TBC1D17: variants seen among roughly 807,000 people sequenced by gnomAD.
The protein encoded by TBC1D17 is TBC1 domain family member 17.
A neutral mutation model predicts 78.8 loss-of-function variants in TBC1D17; 69 were observed. The ratio of observed to expected loss-of-function variants is 0.88; its 90% CI spans 0.72 to 1.07. TBC1D17 has a LOEUF of 1.07. Ranked by LOEUF, TBC1D17 falls within the 50% of genes least tolerant of loss-of-function variation. The pLI, the probability that TBC1D17 is intolerant of heterozygous loss-of-function variation, is 0.00. For synonymous variants in TBC1D17, 456 were observed against 358.3 expected (o/e 1.27, Z -3.08); for missense variants, 957 against 861.0 (o/e 1.11, Z -1.39).
rs760037815 is a variant in TBC1D17 at position 49,878,181 on chromosome 19, C to A, written c.60C>A (p.Ser20Arg). 6.3e-7 allele frequency: 1 copy of A among 1,576,408 alleles called. No individual in the cohort carries two copies. The highest frequency in any genetic ancestry group is 1.4e-5 in the African/African-American group (1 of 73,828). ...AGGGCGGAGTGTACCTGCACACCAG[C>A]GCTAAGAAGTATCAGGACCGAGACT... ...FEKGGVYLHT[S>R]AKKYQDRDSL... Residue 20 changes from serine to arginine, a missense_variant, in exon 2 of 17, where the codon AGC (serine) becomes AGA (arginine). Ser to Arg is a moderately radical substitution (Grantham distance 110). Transcript: ENST00000221543.
At chr19:49,886,003 G>A (rs943407969) in intron 13 of TBC1D17, among the ~76,000 whole-genome samples, 12 of 147,512 alleles carry the variant, frequency 8.1e-5, no homozygotes, top group Admixed American at 2.0e-4. Flanking sequence ...AAAAAAGGTC[G>A]GGTGTGGTGG....
At chr19:49,884,796 C>A (rs774683372) in intron 13 of TBC1D17, 38 bp downstream of exon 13, 1 of 1,575,558 alleles carries the variant, frequency 6.3e-7, no homozygotes, top group Non-Finnish European at 8.7e-7. Flanking sequence ...GACAATGGGG[C>A]CATAGACCTT....
rs769029014 is a variant in TBC1D17, at chr19:49,880,386, C to T, written c.303C>T (p.His101=). The T allele has an allele frequency of 6.2e-7, 1 of 1,613,874 alleles. No individual in the cohort carries two copies. Among genetic ancestry groups the T allele is most frequent in the Admixed American group, 1.7e-5 (1 of 60,014 alleles). Residue 101 remains histidine, a synonymous_variant, in exon 4 of 17, where the codon CAC becomes CAT. Coordinates refer to ENST00000221543, the MANE Select transcript of TBC1D17 (RefSeq NM_024682.3). ...GCACTGTGCGGCCACAGCTCTGCCA[C>T]TCAGAGCCCACGAGAGGTAGGCTGA... is the stretch of plus-strand genomic sequence containing the variant. The part of the protein sequence containing the change: ...VISTVRPQLC[H]SEPTRGAEPS...
chr19:49,879,070 GA>G (rs2074986669), intron 3 of TBC1D17: 1 of 154,248 alleles, frequency 6.5e-6, no homozygotes, highest in Non-Finnish European at 1.4e-5. Context: ...CACTTTTTGA[GA>G]AACTGATAGA....
intron 4 of TBC1D17, 35 bp from the exon 5 acceptor site, chr19:49,881,233 C>G (rs1287870308): frequency 6.3e-7 from 1 of 1,581,000 alleles, no homozygotes; most frequent in Non-Finnish European, 8.6e-7. Context: ...TCTGGCTTCC[C>G]ACGCGCTTCC....
In TBC1D17 at chr19:49,884,298, G is replaced by A; in HGVS notation, c.1172G>A (p.Gly391Asp). The A allele has an allele frequency of 6.2e-7, 1 of 1,614,010 alleles. No individual in the cohort carries two copies. The highest frequency in any genetic ancestry group is 8.5e-7 in the Non-Finnish European group (1 of 1,180,026). ...RTDRTNKFYE[G>D]PENPGLGLLN... ...GACAGGACCAACAAGTTCTACGAGG[G>A]TCCCGAGAACCCGGGGCTGGGCCTG... The change falls in exon 11 of 17, where the codon GGT becomes GAT. Residue 391 changes from glycine to aspartate, a missense_variant. Physicochemically the swap from Gly to Asp is moderately conservative, Grantham distance 94. Coordinates refer to ENST00000221543, the MANE Select transcript of TBC1D17 (RefSeq NM_024682.3).
At position 49,882,780 on chromosome 19, in the gene TBC1D17, G is replaced by A. The variant is rs779105684; in HGVS notation, c.815G>A (p.Arg272Gln). The A allele has an allele frequency of 1.8e-5, 29 of 1,581,638 alleles. No individual in the cohort carries two copies. Among genetic ancestry groups the A allele is most frequent in the Admixed American group, 3.7e-5 (2 of 53,732 alleles). The change falls in exon 8 of 17, where the codon CGG (arginine) becomes CAG (glutamine). Residue 272 changes from arginine to glutamine, a missense_variant. By Grantham distance (43) the Arg-to-Gln change is conservative. Coordinates refer to ENST00000221543, the MANE Select transcript of TBC1D17 (RefSeq NM_024682.3). ...TGCCTGCAGGTGGAGCTGGGGCCTCGGCCAACCGTGGAGCGGGGCCCTCCA... is the reference window on the plus strand; with the variant it reads ...TGCCTGCAGGTGGAGCTGGGGCCTCAGCCAACCGTGGAGCGGGGCCCTCCA... ...EVISCVELGPRPTVERGPPVT... is the reference protein window; with the variant it reads ...EVISCVELGPQPTVERGPPVT...
intron 13 of TBC1D17, chr19:49,887,251 T>C (rs533318317): frequency 1.8e-6 from 1 of 544,572 alleles, no homozygotes; most frequent in East Asian, 3.2e-5. Flanking sequence ...CTCCCTTCCA[T>C]GTCCATGGCA....
At position 49,881,436 on chromosome 19, in the gene TBC1D17, C is replaced by G; in HGVS notation, c.488C>G (p.Ala163Gly). The part of the protein sequence containing the change: ...ALHFHRGGTR[A>G]LLRVLSRYLL... ...CACTTCCACCGCGGGGGCACCCGCG[C>G]CCTGCTCCGCGTCCTCAGCCGCTAC... The change falls in exon 5 of 17, where the codon GCC (alanine) becomes GGC (glycine). Residue 163 changes from alanine to glycine, a missense_variant. Transcript: ENST00000221543. 1 of 1,611,630 alleles carries G rather than the reference C, an allele frequency of 6.2e-7. No individual in the cohort carries two copies.
rs1054999174 is a variant in TBC1D17, at chr19:49,883,752, G to T, written c.1126+7G>T. ...GGATACCGCAGCCTCATCGGTCAGTGTCAGGGGTGGCACTTAGGGTGGATG... is the reference window on the plus strand; with the variant it reads ...GGATACCGCAGCCTCATCGGTCAGTTTCAGGGGTGGCACTTAGGGTGGATG... On this transcript the variant is annotated splice_region_variant and intron_variant, in intron 10 of 16. Transcript: ENST00000221543. The T allele has an allele frequency of 6.2e-7, 1 of 1,612,784 alleles. No homozygotes were observed. Among genetic ancestry groups the T allele is most frequent in the African/African-American group, 1.3e-5 (1 of 74,892 alleles).
intron 15 of TBC1D17, 115 bp from the exon 16 acceptor site, chr19:49,888,116 C>T (rs1339854005): frequency 2.0e-6 from 3 of 1,498,754 alleles, no homozygotes; most frequent in African/African-American, 2.8e-5. Flanking sequence ...CACTTCTGAG[C>T]CCCCAGAGGG....
rs1258380939 is a variant in TBC1D17, at chr19:49,881,487, C to G, written c.527+12C>G. ...CTGCTGTTGGCCAGGTGAGCTCTCT[C>G]CCAGTGCTGGGCCTTAAACCGGGCC... On this transcript the variant is annotated intron_variant, in intron 5 of 16. Coordinates refer to ENST00000221543, the MANE Select transcript of TBC1D17 (RefSeq NM_024682.3). 2.5e-6 allele frequency: 4 copies of G among 1,605,294 alleles called. No homozygotes were observed. The highest frequency in any genetic ancestry group is 3.4e-6 in the Non-Finnish European group (4 of 1,179,060).
intron 3 of TBC1D17, 71 bp from the exon 4 acceptor site, chr19:49,880,208 C>A: frequency 6.3e-7 from 1 of 1,578,260 alleles, no homozygotes; most frequent in Non-Finnish European, 8.6e-7. Flanking sequence ...ATGGGGCTAT[C>A]TTCCAGGGTA....
At chr19:49,887,381 CCTAG>C in intron 13 of TBC1D17, 91 bp from the exon 14 acceptor site, 1 of 1,323,698 alleles carries the variant, frequency 7.6e-7, no homozygotes, top group Non-Finnish European at 1.1e-6. Context: ...AAGTCACTTG[CCTAG>C]ACTTGGGGAA....
In TBC1D17 at chr19:49,878,446, T is replaced by C. The variant is rs536215010; in HGVS notation, c.121-52T>C. 2.2e-5 allele frequency: 34 copies of C among 1,541,386 alleles called. 1 individual carries two copies. In the South Asian group the frequency reaches 3.6e-4, roughly 16 times the overall value. On this transcript the variant is annotated intron_variant, in intron 2 of 16. Transcript: ENST00000221543. The stretch of plus-strand genomic sequence containing the variant: ...TTTGGAAATTTGCAACGGAAAGTTT[T>C]GGGAATGTGGTTTGGGGAGCGCCTC...
rs759549638 is a variant in TBC1D17 at position 49,877,704 on chromosome 19, TGG to T, written c.-17_-16del. ...CTAGGAAAAGGAGGAGGCGGGGCAG[TGG>T]GGCCTTCGGCGGCGACTATGGAAGG... On this transcript the variant is annotated 5_prime_UTR_variant, in exon 1 of 17. Transcript: ENST00000221543. 1 of 1,600,170 alleles carries T rather than the reference TGG, an allele frequency of 6.2e-7. No homozygotes were observed. The highest frequency in any genetic ancestry group is 8.5e-7 in the Non-Finnish European group (1 of 1,174,146).
intron 15 of TBC1D17, 32 bp from the exon 16 acceptor site, chr19:49,888,199 C>A (rs899655511): frequency 2.6e-6 from 4 of 1,556,790 alleles, no homozygotes; most frequent in Non-Finnish European, 3.5e-6. Context: ...TGGTTGAGTG[C>A]CGACTGGCGC....
At chr19:49,886,135 C>T (rs2075056749) in intron 13 of TBC1D17, among the ~76,000 whole-genome samples, 1 of 151,686 alleles carries the variant, frequency 6.6e-6, no homozygotes, top group East Asian at 1.9e-4. Context: ...CAAAAATTAG[C>T]CGGGGGTGGT....
Position 49,882,066 on chromosome 19 carries a change from C to G in TBC1D17, c.553C>G (p.Leu185Val). The G allele has an allele frequency of 1.2e-6, 2 of 1,614,118 alleles. No homozygotes were observed. Among genetic ancestry groups the G allele is most frequent in the East Asian group, 2.2e-5 (1 of 44,890 alleles). Residue 185 changes from leucine (L) to valine (V), a missense_variant, in exon 6 of 17, where the codon CTT becomes GTT. Physicochemically the swap from Leu to Val is conservative, Grantham distance 32. Coordinates refer to ENST00000221543, the MANE Select transcript of TBC1D17 (RefSeq NM_024682.3). ...CTCCCCGCAGGACTCCCGCCTCTAC[C>G]TTGTCTTCCCCCACGACTCCTCTGC... ...ASSPQDSRLY[L>V]VFPHDSSALS...
Sources: allele counts gnomAD v4.1 joint callset (sites outside exome capture counted in the v4.1 genomes callset), GRCh38; gene constraint gnomAD v4.1.1; transcripts MANE v1.5; gene names NCBI Gene and HGNC (gene_info 2026-07-23, HGNC 2026-07-21).